Variants in IFT140 observed in about 807,000 individuals in gnomAD.
IFT140 encodes intraflagellar transport 140.
IFT140 carries 133 observed loss-of-function variants against 164.6 expected under a neutral mutation model. That is an observed-to-expected ratio of 0.81 (90% CI 0.70 to 0.93). The LOEUF is 0.93. Ranked by LOEUF, IFT140 falls within the 40% of genes least tolerant of loss-of-function variation. IFT140 has a pLI of 0.00. For synonymous variants in IFT140, 860 were observed against 817.3 expected (o/e 1.05, Z -0.89); for missense variants, 2,045 against 1,972.3 (o/e 1.04, Z -0.70).
intron 30 of IFT140, among the ~76,000 whole-genome samples, chr16:1,516,928 G>T (rs1596292682): frequency 6.6e-6 from 1 of 152,114 alleles, no homozygotes; most frequent in African/African-American, 2.4e-5. Flanking sequence ...AAGGAAAGCT[G>T]GTAAACTTGA....
At position 1,520,666 on chromosome 16, in the gene IFT140, C is replaced by T. The variant is rs535064774; in HGVS notation, c.3596G>A (p.Cys1199Tyr). ...CAGGTGGTAGCTGCCCTGGCGCATG[C>T]AGCAGTCTGCTATCTGCTCCAGCAG... ...RELLEQIADCCMRQGSYHLAT... is the reference protein window; with the variant it reads ...RELLEQIADCYMRQGSYHLAT... Residue 1199 changes from cysteine (C) to tyrosine (Y), a missense_variant, in exon 27 of 31, where the codon TGC becomes TAC. Transcript: ENST00000426508. 1.5e-4 allele frequency: 238 copies of T among 1,606,814 alleles called. No individual in the cohort carries two copies. In the South Asian group the frequency reaches 2.4e-3, roughly 17 times the overall value.
rs1479821199 is a variant in IFT140, at chr16:1,551,401, G to C, written c.2399+6534C>G. ...GTGGCACGAGGAGAAGCCCAGAGTAGGTGGACCCAGTGACTGAGAGGGGTG... is the reference window on the plus strand; with the variant it reads ...GTGGCACGAGGAGAAGCCCAGAGTACGTGGACCCAGTGACTGAGAGGGGTG... On this transcript the variant is annotated intron_variant, in intron 19 of 30. Coordinates refer to ENST00000426508, the MANE Select transcript of IFT140 (RefSeq NM_014714.4). The surrounding 1 kb of genome is among the most constrained non-coding windows in gnomAD (Gnocchi z 4.0). Among the ~76,000 whole-genome samples, 2 of 152,114 alleles carry C rather than the reference G, an allele frequency of 1.3e-5. No individual in the cohort carries two copies. Among genetic ancestry groups the C allele is most frequent in the South Asian group, 2.1e-4 (1 of 4,824 alleles).
At chr16:1,585,766 CTTTTTTT>C (rs916504738) in intron 10 of IFT140, among the ~76,000 whole-genome samples, 3 of 119,336 alleles carry the variant, frequency 2.5e-5, no homozygotes, top group South Asian at 2.7e-4. Context: ...CCTCCACTTT[CTTTTTTT>C]TTTTTTTTTT....
chr16:1,607,739 G>C (rs1436569758), intron 2 of IFT140, among the ~76,000 whole-genome samples: 1 of 152,130 alleles, frequency 6.6e-6, no homozygotes, highest in African/African-American at 2.4e-5. Flanking sequence ...AAACTCCTGG[G>C]CTCAAGTGAT....
intron 4 of IFT140, among the ~76,000 whole-genome samples, chr16:1,598,308 A>G (rs1055590026): frequency 6.6e-6 from 1 of 152,162 alleles, no homozygotes; most frequent in Non-Finnish European, 1.5e-5. Flanking sequence ...AATACAAAAA[A>G]TTAGCCAGGC....
chr16:1,593,065 T>A (rs971195139), intron 4 of IFT140, among the ~76,000 whole-genome samples: 3 of 146,334 alleles, frequency 2.1e-5, no homozygotes, highest in African/African-American at 7.6e-5. Context: ...ACAGGTGTCC[T>A]GGCAGAGTGA....
At chr16:1,580,986 C>G in intron 12 of IFT140, 136 bp from the exon 13 acceptor site, 1 of 621,126 alleles carries the variant, frequency 1.6e-6, no homozygotes, top group East Asian at 2.9e-5. Flanking sequence ...CTATCTGCAC[C>G]TCGCAGATGA....
rs186636661 is a variant in IFT140 at position 1,602,348 on chromosome 16, C to T, written c.369+22G>A. 5.6e-5 allele frequency: 90 copies of T among 1,600,522 alleles called. 1 individual carries two copies. In the East Asian group the frequency reaches 5.8e-4, roughly 10 times the overall value. On this transcript the variant is annotated intron_variant, in intron 4 of 30. Coordinates refer to ENST00000426508, the MANE Select transcript of IFT140 (RefSeq NM_014714.4). Reference sequence around the variant, plus strand: ...AGAAAGGGTCAAGGTCTGAAAACAGCGTCTTGCGCGTGTTGACTCACCCTG... The same window carrying T: ...AGAAAGGGTCAAGGTCTGAAAACAGTGTCTTGCGCGTGTTGACTCACCCTG...
chr16:1,599,082 G>C (rs376456627), intron 4 of IFT140, among the ~76,000 whole-genome samples: 85 of 93,088 alleles, frequency 9.1e-4, no homozygotes, highest in African/African-American at 4.1e-3. Context: ...TCTGGGATGT[G>C]AGGAGCGCCT....
At position 1,536,118 on chromosome 16, in the gene IFT140, G is replaced by A. The variant is rs1364063724; in HGVS notation, c.2400-9322C>T. On this transcript the variant is annotated intron_variant, in intron 19 of 30. Transcript: ENST00000426508. ...CCCCGGGGGAGGGAGTTCCCAGCCG[G>A]CCCTTGGCCGCAGCTCTGCACCTCC... 4.6e-5 allele frequency among the ~76,000 whole-genome samples: 7 copies of A among 152,362 alleles called. No homozygotes were observed. In the East Asian group the frequency reaches 1.4e-3, roughly 29 times the overall value.
In IFT140 at chr16:1,553,175, G is replaced by A. The variant is rs1702723607; in HGVS notation, c.2399+4760C>T. ...AAACAAGGCTGGTTACCCATCTCTT[G>A]CTCTCTGTCTCTCCTTCCCTGTGTC... On this transcript the variant is annotated intron_variant, in intron 19 of 30. Transcript: ENST00000426508. The surrounding 1 kb of genome is among the most constrained non-coding windows in gnomAD (Gnocchi z 4.4). 2.0e-6 allele frequency: 2 copies of A among 985,048 alleles called. No individual in the cohort carries two copies. The highest frequency in any genetic ancestry group is 2.4e-6 in the Non-Finnish European group (2 of 829,790). The allele number at this position is 985,048 out of a possible 1,614,324, so 61.0% of individuals were successfully genotyped here. A position where few individuals can be genotyped will look rare whatever the true frequency, so the allele number is the denominator to read the frequency against.
intron 30 of IFT140, 125 bp from the exon 31 acceptor site, chr16:1,511,275 G>T: frequency 1.2e-6 from 1 of 833,478 alleles, no homozygotes; most frequent in Non-Finnish European, 2.0e-6. Context: ...TGGAGGACAC[G>T]GGGTGCACTG....
chr16:1,535,564 G>A (rs569196264), intron 19 of IFT140, among the ~76,000 whole-genome samples: 4 of 152,264 alleles, frequency 2.6e-5, no homozygotes, highest in South Asian at 4.1e-4. Flanking sequence ...AGGGAGTCCC[G>A]GAGTACTGGG....
rs202008327 is a variant in IFT140, at chr16:1,538,113, T to C, written c.2400-11317A>G. Among the ~76,000 whole-genome samples the C allele has an allele frequency of 9.8e-5, 15 of 152,306 alleles. No homozygotes were observed. In the East Asian group the frequency reaches 2.3e-3, roughly 24 times the overall value. On this transcript the variant is annotated intron_variant, in intron 19 of 30. Transcript: ENST00000426508. Reference sequence around the variant, plus strand: ...TGAACGCCAGCTCCAAACAGCTTTCTTGGGGCAGGCGGGAGCGTGGCTCAG... The same window carrying C: ...TGAACGCCAGCTCCAAACAGCTTTCCTGGGGCAGGCGGGAGCGTGGCTCAG...
chr16:1,548,447 G>A (rs1312752917), intron 19 of IFT140, among the ~76,000 whole-genome samples: 4 of 152,320 alleles, frequency 2.6e-5, no homozygotes, highest in Middle Eastern at 3.4e-3. Flanking sequence ...CTGTCCGGGC[G>A]GCTCACAGGA....
chr16:1,602,532 C>A lies in IFT140; in HGVS notation c.207G>T (p.Trp69Cys). Reference sequence around the variant, plus strand: ...CAGCCAGCACCAGCCGCGTCGGGTGCCAGCACAGGGAAGCAACCCGGAACG... The same window carrying A: ...CAGCCAGCACCAGCCGCGTCGGGTGACAGCACAGGGAAGCAACCCGGAACG... Reference protein sequence around the residue: ...ERPFRVASLCWHPTRLVLAVG... With the variant: ...ERPFRVASLCCHPTRLVLAVG... Residue 69 changes from tryptophan to cysteine, a missense_variant, in exon 4 of 31, where the codon TGG becomes TGT. Transcript: ENST00000426508. 6.2e-7 allele frequency: 1 copy of A among 1,614,078 alleles called. No individual in the cohort carries two copies. Among genetic ancestry groups the A allele is most frequent in the Non-Finnish European group, 8.5e-7 (1 of 1,180,034 alleles).
At chr16:1,542,209 C>T in intron 19 of IFT140, 1 of 1,002,168 alleles carries the variant, frequency 1.0e-6, no homozygotes, top group African/African-American at 1.7e-5. Context: ...CCACAGGCCA[C>T]TGAGAAGCCC....
At chr16:1,524,455 G>A in intron 24 of IFT140, 97 bp downstream of exon 24, 26 of 1,496,416 alleles carry the variant, frequency 1.7e-5, no homozygotes, top group Non-Finnish European at 2.3e-5. Flanking sequence ...GCCGGACCAC[G>A]TGTCACTGAC....
In IFT140 at chr16:1,526,005, G is replaced by T; in HGVS notation, c.2650C>A (p.Arg884=). The part of the protein sequence containing the change: ...LLNKFYQAAG[R]WQEALQVAEH... ...GCTACCTGGAGGGCCTCCTGCCACC[G>T]GCCCGCAGCCTGGTAGAACTTGTTC... Residue 884 remains arginine (R), a synonymous_variant, in exon 21 of 31, where the codon CGG becomes AGG. Transcript: ENST00000426508. The T allele has an allele frequency of 6.2e-7, 1 of 1,600,794 alleles. No individual in the cohort carries two copies. The highest frequency in any genetic ancestry group is 8.5e-7 in the Non-Finnish European group (1 of 1,174,210).
Sources: gnomAD v4.1 joint callset for allele counts (sites outside exome capture counted in the v4.1 genomes callset) on GRCh38, gnomAD v4.1.1 for gene constraint, Gnocchi (gnomAD v3.1) non-coding constraint, MANE v1.5 for transcripts, NCBI Gene and HGNC (gene_info 2026-07-23, HGNC 2026-07-21) for gene names.